HNRNPH1: variants seen among roughly 807,000 people sequenced by gnomAD.
HNRNPH1 encodes the protein heterogeneous nuclear ribonucleoprotein H1.
HNRNPH1 carries 4 observed loss-of-function variants against 58.6 expected under a neutral mutation model. The observed-to-expected ratio is 0.07, with a 90% CI of 0.03 to 0.16. The LOEUF (loss-of-function observed/expected upper bound fraction) is 0.16, where lower values mean the gene tolerates loss of function less well. Among genes scored for constraint, HNRNPH1 ranks in the 10% least tolerant of loss-of-function variants. The probability of loss-of-function intolerance (pLI) is 1.00; values close to 1 mark genes in which losing one functional copy is unlikely to be tolerated. For missense variants in HNRNPH1, 271 were observed against 564.2 expected (o/e 0.48, Z 5.26); for synonymous variants, 192 against 189.2 (o/e 1.01, Z -0.12).
chr5:179,619,242 CAT>C, intron 4 of HNRNPH1, 25 bp downstream of exon 5: 1 of 1,574,334 alleles, frequency 6.4e-7, no homozygotes, highest in Middle Eastern at 1.7e-4. Context: ...AGAAAAGTGA[CAT>C]ATCCAACCAA....
At chr5:179,619,086 C>T in intron 4 of HNRNPH1, 183 bp downstream of exon 5, 1 of 521,994 alleles carries the variant, frequency 1.9e-6, no homozygotes, top group African/African-American at 2.0e-5. Context: ...TAACTAGGGA[C>T]AAATTTCAAA....
chr5:179,625,964 T>TTTA (rs1393197276), upstream of HNRNPH1, among the ~76,000 whole-genome samples: 1 of 151,512 alleles, frequency 6.6e-6, no homozygotes, highest in African/African-American at 2.4e-5. Context: ...TATTTATTTA[T>TTTA]TTTTTGTAGC....
upstream of HNRNPH1, among the ~76,000 whole-genome samples, chr5:179,626,956 T>C (rs141855055): frequency 8.1e-3 from 1,235 of 151,934 alleles, 10 homozygotes; most frequent in Non-Finnish European, 0.012. Context: ...AATTTTCTTG[T>C]ATTTTTACTA....
intron 2 of HNRNPH1, among the ~76,000 whole-genome samples, chr5:179,631,179 GCC>G (rs373056402): frequency 0.087 from 13,156 of 152,092 alleles, 641 homozygotes; most frequent in Middle Eastern, 0.12. Context: ...ATGGTTTGTT[GCC>G]TTCCAAAGGG....
intron 2 of HNRNPH1, among the ~76,000 whole-genome samples, chr5:179,633,309 T>A (rs922610476): frequency 6.6e-6 from 1 of 150,446 alleles, no homozygotes; most frequent in South Asian, 2.1e-4. Flanking sequence ...TGTTTGTTTG[T>A]TTGTTTGAGA....
exon 1 of HNRNPH1, chr5:179,624,379 G>T (rs894492079): frequency 1.5e-5 from 6 of 396,608 alleles, no homozygotes; most frequent in Non-Finnish European, 2.7e-5. Context: ...GCTCGCGCCT[G>T]TACCCAGCTT....
At chr5:179,617,310 T>C (rs1408905418) in intron 8 of HNRNPH1, 200 bp from the exon 10 acceptor site, 18 of 736,336 alleles carry the variant, frequency 2.4e-5, no homozygotes, top group South Asian at 1.5e-4. Flanking sequence ...ATTAAGGATA[T>C]ACACTTCAAG....
In HNRNPH1 at chr5:179,630,644, G is replaced by T. The variant is rs537896492; in HGVS notation, c.-32+3421C>A. ...GCATACATTTCGGCCTGACGCGGGGGCTCACGCCTGTAATCCCAGCACTTT... is the reference window on the plus strand; with the variant it reads ...GCATACATTTCGGCCTGACGCGGGGTCTCACGCCTGTAATCCCAGCACTTT... On this transcript the variant is annotated intron_variant, in intron 2 of 4. Coordinates refer to the HNRNPH1 transcript ENST00000521116. Among the ~76,000 whole-genome samples the T allele has an allele frequency of 6.0e-4, 91 of 152,214 alleles. 1 individual carries two copies. The highest frequency in any genetic ancestry group is 1.0e-3 in the Non-Finnish European group (70 of 67,998).
In HNRNPH1 at chr5:179,621,038, G is replaced by A. The variant is rs2127672174; in HGVS notation, c.254-3C>T. The stretch of plus-strand genomic sequence containing the variant: ...TTCAACGTTGTTTGACTTGAATACT[G>A]AAAGAGGTGCTTAGAATTAGTCACT... On this transcript the variant is annotated splice_polypyrimidine_tract_variant and splice_region_variant and intron_variant, in intron 2 of 12. Transcript: ENST00000356731. 6.2e-7 allele frequency: 1 copy of A among 1,613,262 alleles called. No homozygotes were observed. Among genetic ancestry groups the A allele is most frequent in the Non-Finnish European group, 8.5e-7 (1 of 1,179,462 alleles).
chr5:179,621,123 C>G (rs1772117746), intron 2 of HNRNPH1, 88 bp from the exon 4 acceptor site: 1 of 1,504,218 alleles, frequency 6.6e-7, no homozygotes, highest in African/African-American at 1.4e-5. Context: ...CTAGGAAGAG[C>G]TGCCACAAAC....
exon 1 of HNRNPH1, chr5:179,623,304 G>C (rs1386457618): frequency 6.4e-6 from 3 of 470,940 alleles, no homozygotes; most frequent in African/African-American, 2.0e-5. Flanking sequence ...ACACCTCCTC[G>C]TCCGGCGACC....
intron 12 of HNRNPH1, 171 bp downstream of exon 13, chr5:179,615,375 A>C (rs573532222): frequency 3.9e-6 from 2 of 508,262 alleles, no homozygotes; most frequent in South Asian, 7.4e-5. Flanking sequence ...TGCTTTTCCT[A>C]TTCATGGTGG....
intron 2 of HNRNPH1, among the ~76,000 whole-genome samples, chr5:179,632,248 C>T (rs1452322309): frequency 6.6e-6 from 1 of 151,384 alleles, no homozygotes; most frequent in Non-Finnish European, 1.5e-5. Flanking sequence ...GCGGAGCTTG[C>T]AGTGAGCCAA....
In HNRNPH1 at chr5:179,620,875, CA is replaced by C. The variant is rs746904158; in HGVS notation, c.397+16del. ...CTAGCCAAAACTCACTGCTCAGCAA[CA>C]AACATGACTACATACCTGAGAAGAA... On this transcript the variant is annotated intron_variant, in intron 3 of 12. Coordinates refer to ENST00000356731, the Ensembl canonical transcript of HNRNPH1. The C allele has an allele frequency of 1.2e-6, 2 of 1,612,312 alleles. No individual in the cohort carries two copies. Among genetic ancestry groups the C allele is most frequent in the Admixed American group, 3.3e-5 (2 of 59,884 alleles).
intron 2 of HNRNPH1, among the ~76,000 whole-genome samples, chr5:179,631,154 A>G (rs75352337): frequency 0.014 from 2,098 of 151,422 alleles, 48 homozygotes; most frequent in African/African-American, 0.045. Context: ...AAGGAAATAA[A>G]TCTTAGGTAA....
At chr5:179,624,576 A>C in exon 1 of HNRNPH1, 1 of 398,726 alleles carries the variant, frequency 2.5e-6, no homozygotes, top group Non-Finnish European at 4.4e-6. Context: ...GCGTCCATTC[A>C]CCAGGCGTAG....
At position 179,616,992 on chromosome 5, in the gene HNRNPH1, TAA is replaced by T. The variant is rs71591434; in HGVS notation, c.1118-36_1118-35del. The T allele has an allele frequency of 1.5e-5, 24 of 1,588,696 alleles. No homozygotes were observed. The East Asian group carries it at 3.8e-4, about 25-fold the overall frequency. On this transcript the variant is annotated intron_variant, in intron 9 of 12. Transcript: ENST00000356731. ...AGAGAAAAGGCATACAAGGTTAGCT[TAA>T]AAAAAAGACACTAAAGTGATATTTA...
chr5:179,624,690 G>T, upstream of HNRNPH1: 1 of 398,050 alleles, frequency 2.5e-6, no homozygotes, highest in Non-Finnish European at 4.4e-6. Flanking sequence ...CTAAGATGCC[G>T]TAGCCTCCCA....
chr5:179,624,534 G>T, exon 1 of HNRNPH1: 2 of 398,796 alleles, frequency 5.0e-6, no homozygotes, highest in Non-Finnish European at 8.8e-6. Context: ...GTAGGTTACC[G>T]CTGCATCTCC....
Sources: allele counts gnomAD v4.1 joint callset (sites outside exome capture counted in the v4.1 genomes callset), GRCh38; gene constraint gnomAD v4.1.1; transcripts MANE v1.5; gene names NCBI Gene and HGNC (gene_info 2026-07-23, HGNC 2026-07-21).